The following DLX3 variants were observed in gnomAD, a reference collection of about 807,000 sequenced individuals.
DLX3 encodes homeobox protein DLX-3.
Under a neutral mutation model 28.0 loss-of-function variants are expected in DLX3, and 9 were observed. That is an observed-to-expected ratio of 0.32 (90% confidence interval 0.19 to 0.56). The LOEUF (loss-of-function observed/expected upper bound fraction) is 0.56, where lower values mean the gene tolerates loss of function less well. DLX3 is among the 20% of genes least tolerant of loss of function. The pLI is 0.91. For synonymous variants in DLX3, 154 were observed against 167.9 expected (o/e 0.92, Z 0.64); for missense variants, 313 against 378.2 (o/e 0.83, Z 1.43).
rs770135483 is a variant in DLX3, at chr17:49,992,667, C to T, written c.516+733G>A. Reference sequence around the variant, plus strand: ...CTCACCAGGTGACCCAGATTCCCGGCGGATGGGGCCCCACGCAGCCACAGC... The same window carrying T: ...CTCACCAGGTGACCCAGATTCCCGGTGGATGGGGCCCCACGCAGCCACAGC... On this transcript the variant is annotated intron_variant, in intron 2 of 2. Coordinates refer to ENST00000434704, the MANE Select transcript of DLX3 (RefSeq NM_005220.3). Among the ~76,000 whole-genome samples, 47 of 152,228 alleles carry T rather than the reference C, an allele frequency of 3.1e-4. 1 individual carries two copies. Among genetic ancestry groups the T allele is most frequent in the South Asian group, 4.1e-4 (2 of 4,820 alleles).
Position 49,994,890 on chromosome 17 carries a change from C to G in DLX3, c.109G>C (p.Val37Leu), listed in dbSNP as rs1209951312. ...GCGCTGTAGTAGCCCAGGTCAGTGACAGAAGACTCGGGCAGGGTAGGCGAG... is the reference window on the plus strand; with the variant it reads ...GCGCTGTAGTAGCCCAGGTCAGTGAGAGAAGACTCGGGCAGGGTAGGCGAG... Reference protein sequence around the residue: ...KDSPTLPESSVTDLGYYSAPQ... With the variant: ...KDSPTLPESSLTDLGYYSAPQ... Residue 37 changes from valine to leucine, a missense_variant, in exon 1 of 3, where the codon GTC becomes CTC. Physicochemically the swap from Val to Leu is conservative, Grantham distance 32. This residue lies in a region of DLX3 where 183 missense variants were observed against 197.7 expected (regional missense o/e 0.93). Transcript: ENST00000434704. 6.2e-7 allele frequency: 1 copy of G among 1,614,218 alleles called. No homozygotes were observed.
At chr17:49,993,820 C>T (rs928332942) in intron 1 of DLX3, 1 of 268,890 alleles carries the variant, frequency 3.7e-6, no homozygotes, top group Non-Finnish European at 6.6e-6. Context: ...GCCGCCGCAG[C>T]ACTGTCCCCG....
intron 1 of DLX3, among the ~76,000 whole-genome samples, chr17:49,994,426 C>T (rs933590702): frequency 6.6e-6 from 1 of 152,216 alleles, no homozygotes; most frequent in Non-Finnish European, 1.5e-5. Context: ...CCTTCCCCTT[C>T]CTCTCTCAGC....
Position 49,991,326 on chromosome 17 carries a change from A to G in DLX3, c.*191T>C. On this transcript the variant is annotated 3_prime_UTR_variant, in exon 3 of 3. Coordinates refer to ENST00000434704, the MANE Select transcript of DLX3 (RefSeq NM_005220.3). ...CCCCAGTGTCTAGGCAGAGGGAGGG[A>G]GGTTCAGGGGGCATCCTTGGTCCAT... 1 of 580,540 alleles carries G rather than the reference A, an allele frequency of 1.7e-6. No homozygotes were observed. The highest frequency in any genetic ancestry group is 3.2e-5 in the Admixed American group (1 of 31,020). 36.0% of individuals were successfully genotyped at this position (580,540 alleles called of 1,614,324 possible). A position where few individuals can be genotyped will look rare whatever the true frequency, so the allele number is the denominator to read the frequency against.
chr17:49,991,452 T>C lies in DLX3; in HGVS notation c.*65A>G. 7.2e-7 allele frequency: 1 copy of C among 1,386,044 alleles called. No homozygotes were observed. 85.9% of individuals were successfully genotyped at this position (1,386,044 alleles called of 1,614,324 possible). ...TGCTCCTCGATGATTCCTGAGTGGC[T>C]AGGACGGAGGCGCCTTCTGCCTGGT... On this transcript the variant is annotated 3_prime_UTR_variant, in exon 3 of 3. Coordinates refer to ENST00000434704, the MANE Select transcript of DLX3 (RefSeq NM_005220.3).
intron 2 of DLX3, among the ~76,000 whole-genome samples, chr17:49,992,596 C>T (rs1567913587): frequency 6.6e-6 from 1 of 152,130 alleles, no homozygotes; most frequent in Non-Finnish European, 1.5e-5. Flanking sequence ...TCCCCCTCCC[C>T]CTGCCACTCC....
rs1906214875 is a variant in DLX3 at position 49,994,669 on chromosome 17, C to T, written c.325+5G>A. On this transcript the variant is annotated splice_donor_5th_base_variant and intron_variant, in intron 1 of 2. Coordinates refer to ENST00000434704, the MANE Select transcript of DLX3 (RefSeq NM_005220.3). Reference sequence around the variant, plus strand: ...CCACTGTCCTCGCGACCCCGTGGCCCTCACCTGGGTCCTGGGCTGGCAGCG... The same window carrying T: ...CCACTGTCCTCGCGACCCCGTGGCCTTCACCTGGGTCCTGGGCTGGCAGCG... 6.2e-7 allele frequency: 1 copy of T among 1,614,114 alleles called. No individual in the cohort carries two copies. Among genetic ancestry groups the T allele is most frequent in the Non-Finnish European group, 8.5e-7 (1 of 1,180,036 alleles).
chr17:49,995,098 C>T lies in DLX3; in HGVS notation c.-100G>A. On this transcript the variant is annotated 5_prime_UTR_variant, in exon 1 of 3. Coordinates refer to ENST00000434704, the MANE Select transcript of DLX3 (RefSeq NM_005220.3). ...AAGAGACGAGGCAGGGGTGTGTGTC[C>T]AGAAGGCGAAGGGAGGACCCGGCCG... 1 of 1,456,434 alleles carries T rather than the reference C, an allele frequency of 6.9e-7. No individual in the cohort carries two copies. The highest frequency in any genetic ancestry group is 9.3e-7 in the Non-Finnish European group (1 of 1,074,550). The allele number at this position is 1,456,434 out of a possible 1,614,324, so 90.2% of individuals were successfully genotyped here. A position where few individuals can be genotyped will look rare whatever the true frequency, so the allele number is the denominator to read the frequency against.
In DLX3 at chr17:49,991,597, A is replaced by G. The variant is rs979298973; in HGVS notation, c.784T>C (p.Leu262=). 2.5e-6 allele frequency: 4 copies of G among 1,613,164 alleles called. No individual in the cohort carries two copies. The highest frequency in any genetic ancestry group is 2.7e-5 in the African/African-American group (2 of 74,862). Residue 262 remains leucine (L), a synonymous_variant, in exon 3 of 3, where the codon TTA becomes CTA. Transcript: ENST00000434704. ...GCTGGCTGAGGCGGCTGCTGCTGTA[A>G]GTGGGGTCCACTCAGGTTCTGTGCG... The part of the protein sequence containing the change: ...YHAQNLSGPH[L]QQQPPQPATL...
intron 2 of DLX3, 90 bp from the exon 3 acceptor site, chr17:49,991,954 G>T: frequency 1.5e-6 from 2 of 1,310,400 alleles, no homozygotes. Context: ...AGAAAGGCCA[G>T]AACCCAATTT....
intron 2 of DLX3, among the ~76,000 whole-genome samples, chr17:49,992,160 C>T (rs535947862): frequency 4.6e-5 from 7 of 152,262 alleles, no homozygotes; most frequent in African/African-American, 1.4e-4. Context: ...GAGAACAGCA[C>T]TATTACCTGC....
In DLX3 at chr17:49,993,695, C is replaced by G. The variant is rs550108843; in HGVS notation, c.326-105G>C. The G allele has an allele frequency of 9.6e-6, 13 of 1,351,896 alleles. No homozygotes were observed. The East Asian group carries it at 2.2e-4, about 23-fold the overall frequency. 83.7% of individuals were successfully genotyped at this position (1,351,896 alleles called of 1,614,324 possible). ...GACGCCCCTCGCTTCCGCCCACCGACTCGCCGCGGGATTCCCGGCCGCGCG... is the reference window on the plus strand; with the variant it reads ...GACGCCCCTCGCTTCCGCCCACCGAGTCGCCGCGGGATTCCCGGCCGCGCG... On this transcript the variant is annotated intron_variant, in intron 1 of 2. Coordinates refer to ENST00000434704, the MANE Select transcript of DLX3 (RefSeq NM_005220.3).
chr17:49,994,492 C>T (rs1204151244), intron 1 of DLX3, among the ~76,000 whole-genome samples, 182 bp downstream of exon 1: 1 of 152,260 alleles, frequency 6.6e-6, no homozygotes, highest in African/African-American at 2.4e-5. Flanking sequence ...GCCCCAAATG[C>T]TTGCACACCC....
intron 1 of DLX3, among the ~76,000 whole-genome samples, chr17:49,993,981 C>T (rs1906193447): frequency 6.6e-6 from 1 of 152,154 alleles, no homozygotes; most frequent in Non-Finnish European, 1.5e-5. Flanking sequence ...TCGCTCCTTC[C>T]CGTCCGCCCC....
At position 49,991,686 on chromosome 17, in the gene DLX3, G is replaced by A; in HGVS notation, c.695C>T (p.Pro232Leu). The A allele has an allele frequency of 6.2e-7, 1 of 1,613,608 alleles. No homozygotes were observed. The highest frequency in any genetic ancestry group is 8.5e-7 in the Non-Finnish European group (1 of 1,179,850). Residue 232 changes from proline (P) to leucine (L), a missense_variant, in exon 3 of 3, where the codon CCC (proline) becomes CTC (leucine). Pro to Leu is a moderately conservative substitution (Grantham distance 98). Coordinates refer to ENST00000434704, the MANE Select transcript of DLX3 (RefSeq NM_005220.3). The part of the protein sequence containing the change: ...STPAPARSQL[P>L]PPLPYSASPS... Reference sequence around the variant, plus strand: ...GGAGGCACTGTATGGGAGCGGCGGGGGCAGCTGACTGCGGGCAGGGGCCGG... The same window carrying A: ...GGAGGCACTGTATGGGAGCGGCGGGAGCAGCTGACTGCGGGCAGGGGCCGG...
chr17:49,994,766 C>T lies in DLX3; in HGVS notation c.233G>A (p.Gly78Asp). The T allele has an allele frequency of 6.2e-7, 1 of 1,614,216 alleles. No homozygotes were observed. The highest frequency in any genetic ancestry group is 1.6e-4 in the Middle Eastern group (1 of 6,062). Reference sequence around the variant, plus strand: ...ATATTCCGACTTGGGCGAGTAAGCGCCCGTGCCTGCAAGCCCATTGAGATT... The same window carrying T: ...ATATTCCGACTTGGGCGAGTAAGCGTCCGTGCCTGCAAGCCCATTGAGATT... ...QFNLNGLAGT[G>D]AYSPKSEYTY... is the part of the protein sequence containing the mutation. Residue 78 changes from glycine to aspartate, a missense_variant, in exon 1 of 3, where the codon GGC (glycine) becomes GAC (aspartate). Transcript: ENST00000434704.
Position 49,994,889 on chromosome 17 carries a change from A to G in DLX3, c.110T>C (p.Val37Ala), listed in dbSNP as rs1906223125. 1 of 1,614,184 alleles carries G rather than the reference A, an allele frequency of 6.2e-7. No homozygotes were observed. The change falls in exon 1 of 3, where the codon GTC (valine) becomes GCC (alanine). Residue 37 changes from valine to alanine, a missense_variant. Around this residue, in one of 3 missense-constraint regions of DLX3, gnomAD observed 183 missense variants for 197.7 expected, o/e 0.93. Transcript: ENST00000434704. ...KDSPTLPESS[V>A]TDLGYYSAPQ... ...AGCGCTGTAGTAGCCCAGGTCAGTG[A>G]CAGAAGACTCGGGCAGGGTAGGCGA... is the stretch of plus-strand genomic sequence containing the variant.
chr17:49,991,218 T>C lies in DLX3; in HGVS notation c.*299A>G, dbSNP rs1424626513. ...TAAGAAGCTGGAAGATGATGAGCCA[T>C]TTAAAGCCAATCCAGGCTCCTGGAG... On this transcript the variant is annotated 3_prime_UTR_variant, in exon 3 of 3. Coordinates refer to ENST00000434704, the MANE Select transcript of DLX3 (RefSeq NM_005220.3). The C allele has an allele frequency of 7.7e-6, 3 of 389,724 alleles. No individual in the cohort carries two copies. The Admixed American group carries it at 1.3e-4, about 16-fold the overall frequency. 24.1% of individuals were successfully genotyped at this position (389,724 alleles called of 1,614,324 possible).
chr17:49,994,348 G>A lies in DLX3; in HGVS notation c.325+326C>T, dbSNP rs1906205197. The stretch of plus-strand genomic sequence containing the variant: ...CCTACCCCCAAGCCCTCTGCGACTT[G>A]ATCGAGGATCGCCTGCTGAAATGCC... On this transcript the variant is annotated intron_variant, in intron 1 of 2. Transcript: ENST00000434704. 2.0e-5 allele frequency among the ~76,000 whole-genome samples: 3 copies of A among 151,850 alleles called. No individual in the cohort carries two copies. The South Asian group carries it at 6.2e-4, about 32-fold the overall frequency.
Sources: allele counts gnomAD v4.1 joint callset (sites outside exome capture counted in the v4.1 genomes callset), GRCh38; gene constraint gnomAD v4.1.1; regional missense constraint gnomAD v4.1.1; transcripts MANE v1.5; gene names NCBI Gene and HGNC (gene_info 2026-07-23, HGNC 2026-07-21).